PIBF1: variants seen among roughly 807,000 people sequenced by gnomAD.
PIBF1 encodes the protein progesterone-induced-blocking factor 1.
In PIBF1, 90 loss-of-function variants were observed where a neutral mutation model predicts 112.5. The ratio of observed to expected loss-of-function variants is 0.80; its 90% CI spans 0.67 to 0.95. The LOEUF (loss-of-function observed/expected upper bound fraction) is 0.95, where lower values mean the gene tolerates loss of function less well. Ranked by LOEUF, PIBF1 falls within the 40% of genes least tolerant of loss-of-function variation. The pLI is 0.00. For missense variants in PIBF1, 915 were observed against 852.3 expected (o/e 1.07, Z -0.92); for synonymous variants, 301 against 288.6 (o/e 1.04, Z -0.44).
chr13:72,878,080 T>G (rs1264774688), intron 10 of PIBF1, among the ~76,000 whole-genome samples: 1 of 152,040 alleles, frequency 6.6e-6, no homozygotes, highest in East Asian at 1.9e-4. Flanking sequence ...TTAGGTCCTC[T>G]CTTTTTCTTA....
intron 10 of PIBF1, among the ~76,000 whole-genome samples, chr13:72,865,723 C>T (rs1566377093): frequency 6.6e-6 from 1 of 152,184 alleles, no homozygotes. Context: ...GCCATAATTA[C>T]ACATCTGTTC....
At chr13:72,857,123 T>A (rs2038458591) in intron 10 of PIBF1, among the ~76,000 whole-genome samples, 1 of 152,190 alleles carries the variant, frequency 6.6e-6, no homozygotes. Context: ...GTGGCTTATA[T>A]GGAAAAATTA....
At chr13:72,818,570 T>C (rs1330215434) in intron 5 of PIBF1, among the ~76,000 whole-genome samples, 1 of 152,112 alleles carries the variant, frequency 6.6e-6, no homozygotes, top group Non-Finnish European at 1.5e-5. Context: ...TACCATTGTC[T>C]GCTTTCAACT....
intron 11 of PIBF1, among the ~76,000 whole-genome samples, chr13:72,906,048 A>G (rs2040692552): frequency 6.6e-6 from 1 of 152,176 alleles, no homozygotes; most frequent in Non-Finnish European, 1.5e-5. Context: ...GATTAAGAAT[A>G]ATGTAGTATC....
rs375826083 is a variant in PIBF1 at position 72,942,135 on chromosome 13, G to T, written c.1833+10868G>T. 3.3e-5 allele frequency among the ~76,000 whole-genome samples: 5 copies of T among 151,830 alleles called. No homozygotes were observed. The East Asian group carries it at 7.7e-4, about 24-fold the overall frequency. ...CTCAGTCTCTTGGAAAGAGTCTGTG[G>T]CACATACAACTCACAGGACCACACC... is the stretch of plus-strand genomic sequence containing the variant. On this transcript the variant is annotated intron_variant, in intron 14 of 17. Coordinates refer to ENST00000326291, the MANE Select transcript of PIBF1 (RefSeq NM_006346.4).
At chr13:72,849,660 G>A (rs2038041607) in intron 9 of PIBF1, among the ~76,000 whole-genome samples, 1 of 152,184 alleles carries the variant, frequency 6.6e-6, no homozygotes, top group African/African-American at 2.4e-5. Context: ...GGTGCCTTGA[G>A]GTGGTCATGT....
chr13:72,796,634 CT>C (rs2035213356), intron 4 of PIBF1, among the ~76,000 whole-genome samples: 1 of 144,722 alleles, frequency 6.9e-6, no homozygotes, highest in Non-Finnish European at 1.5e-5. Context: ...AATGAAGTTA[CT>C]TTTTTGTTCA....
At chr13:72,785,814 C>G (rs1371251290) in intron 2 of PIBF1, among the ~76,000 whole-genome samples, 1 of 152,190 alleles carries the variant, frequency 6.6e-6, no homozygotes, top group Admixed American at 6.5e-5. Context: ...TATACCATAT[C>G]CAGACTTACA....
intron 10 of PIBF1, among the ~76,000 whole-genome samples, chr13:72,881,695 G>T (rs2039643573): frequency 1.4e-5 from 2 of 145,254 alleles, no homozygotes; most frequent in South Asian, 4.4e-4. Flanking sequence ...CAGCGTCAGT[G>T]ACAGAGCAAG....
At chr13:72,804,013 T>C (rs1479763403) in intron 5 of PIBF1, among the ~76,000 whole-genome samples, 1 of 152,222 alleles carries the variant, frequency 6.6e-6, no homozygotes, top group Admixed American at 6.5e-5. Flanking sequence ...TGGTATTTCA[T>C]GTTTCTTTCC....
Position 72,827,089 on chromosome 13 carries a change from A to T in PIBF1, c.886A>T (p.Thr296Ser). The change falls in exon 7 of 18, where the codon ACA becomes TCA. Residue 296 changes from threonine (T) to serine (S), a missense_variant. By Grantham distance (58) the Thr-to-Ser change is moderately conservative. Coordinates refer to ENST00000326291, the MANE Select transcript of PIBF1 (RefSeq NM_006346.4). ...ACTTGAAGCCTCTCACATGATTCAA[A>T]CAAAAGAACGAAGTGAATTATCAAA... Reference protein sequence around the residue: ...EILEASHMIQTKERSELSKEV... With the variant: ...EILEASHMIQSKERSELSKEV... The T allele has an allele frequency of 6.3e-7, 1 of 1,598,488 alleles. No homozygotes were observed.
intron 16 of PIBF1, among the ~76,000 whole-genome samples, chr13:72,987,684 G>GTTT (rs35607617): frequency 2.1e-5 from 3 of 141,090 alleles, no homozygotes; most frequent in African/African-American, 7.8e-5. Flanking sequence ...TTCCTTTGTT[G>GTTT]TTTTTTTTTT....
intron 4 of PIBF1, among the ~76,000 whole-genome samples, chr13:72,796,882 C>T (rs543710680): frequency 1.3e-5 from 2 of 151,998 alleles, no homozygotes; most frequent in African/African-American, 2.4e-5. Flanking sequence ...TATGCAGATT[C>T]TTTTTGTTGA....
At position 72,817,130 on chromosome 13, in the gene PIBF1, C is replaced by A. The variant is rs192437289; in HGVS notation, c.673-4719C>A. Among the ~76,000 whole-genome samples, 8 of 152,282 alleles carry A rather than the reference C, an allele frequency of 5.3e-5. No individual in the cohort carries two copies. In the East Asian group the frequency reaches 1.5e-3, roughly 29 times the overall value. On this transcript the variant is annotated intron_variant, in intron 5 of 17. Coordinates refer to ENST00000326291, the MANE Select transcript of PIBF1 (RefSeq NM_006346.4). ...AATGTAAACTGCTTCAGATTTGAAC[C>A]TTAAGGTAAATGTCATTATATTCTA...
intron 6 of PIBF1, among the ~76,000 whole-genome samples, chr13:72,823,330 G>C (rs2036650921): frequency 6.6e-6 from 1 of 151,920 alleles, no homozygotes; most frequent in Admixed American, 6.6e-5. Context: ...TGGGAGCATG[G>C]GTGTTCATTA....
At chr13:72,871,175 A>C (rs1431280243) in intron 10 of PIBF1, among the ~76,000 whole-genome samples, 3 of 152,102 alleles carry the variant, frequency 2.0e-5, no homozygotes, top group Non-Finnish European at 4.4e-5. Flanking sequence ...AGATTTTTCC[A>C]CCTGTTCTCT....
intron 5 of PIBF1, among the ~76,000 whole-genome samples, chr13:72,801,673 G>A (rs2035482892): frequency 6.6e-6 from 1 of 152,094 alleles, no homozygotes; most frequent in South Asian, 2.1e-4. Context: ...TGCTTAAAAC[G>A]CTGTATGATG....
chr13:72,789,149 C>G (rs1215466332), intron 2 of PIBF1, among the ~76,000 whole-genome samples: 1 of 152,046 alleles, frequency 6.6e-6, no homozygotes, highest in African/African-American at 2.4e-5. Context: ...GATTCCCTTC[C>G]TTACTGTACT....
intron 17 of PIBF1, among the ~76,000 whole-genome samples, chr13:73,007,671 T>A (rs566785755): frequency 6.6e-6 from 1 of 151,840 alleles, no homozygotes; most frequent in Non-Finnish European, 1.5e-5. Context: ...TAGCCGGGCG[T>A]GGTGGCGCAC....
Sources: gnomAD v4.1 joint callset for allele counts (sites outside exome capture counted in the v4.1 genomes callset) on GRCh38, gnomAD v4.1.1 for gene constraint, MANE v1.5 for transcripts, NCBI Gene and HGNC (gene_info 2026-07-23, HGNC 2026-07-21) for gene names.